PIAS2: variants seen among roughly 807,000 people sequenced by gnomAD.
PIAS2 encodes the protein E3 SUMO-protein ligase PIAS2.
Under a neutral mutation model 69.7 loss-of-function variants are expected in PIAS2, and 19 were observed. The observed-to-expected ratio is 0.27, with a 90% CI of 0.19 to 0.40. The LOEUF is 0.40. Ranked by LOEUF, PIAS2 falls within the 10% of genes least tolerant of loss-of-function variation. The probability of loss-of-function intolerance (pLI) is 1.00; values close to 1 mark genes in which losing one functional copy is unlikely to be tolerated. For missense variants in PIAS2, 624 were observed against 757.0 expected, an observed-to-expected ratio of 0.82 and a Z score of 2.06; for synonymous variants, 261 against 263.2, an observed-to-expected ratio of 0.99 and a Z score of 0.08.
At chr18:46,906,510 CAG>C (rs2056614999) in intron 1 of PIAS2, among the ~76,000 whole-genome samples, 1 of 151,942 alleles carries the variant, frequency 6.6e-6, no homozygotes, top group African/African-American at 2.4e-5. Flanking sequence ...TTCTGTGCAC[CAG>C]CAAAGTATAA....
intron 7 of PIAS2, among the ~76,000 whole-genome samples, 183 bp from the exon 8 acceptor site, chr18:46,844,310 A>G (rs2045858551): frequency 6.6e-6 from 1 of 152,140 alleles, no homozygotes; most frequent in South Asian, 2.1e-4. Flanking sequence ...AATTCTTAAA[A>G]TTTCTTTTTA....
chr18:46,815,594 T>C, intron 12 of PIAS2: 1 of 1,170,400 alleles, frequency 8.5e-7, no homozygotes, highest in Non-Finnish European at 1.1e-6. Flanking sequence ...TCCAAAACTT[T>C]CCAGTGAAGG....
intron 12 of PIAS2, chr18:46,817,193 A>T: frequency 1.0e-6 from 1 of 965,530 alleles, no homozygotes. Flanking sequence ...AATCATCTTT[A>T]ATATTTGCTG....
At chr18:46,887,813 C>T (rs1011363369) in intron 2 of PIAS2, among the ~76,000 whole-genome samples, 6 of 152,110 alleles carry the variant, frequency 3.9e-5, no homozygotes, top group Admixed American at 6.5e-5. Flanking sequence ...CCCATTCACA[C>T]GGAAGCAATC....
intron 8 of PIAS2, among the ~76,000 whole-genome samples, chr18:46,838,590 G>A (rs2044808668): frequency 6.6e-6 from 1 of 152,174 alleles, no homozygotes; most frequent in Admixed American, 6.5e-5. Context: ...AAAACCTGGG[G>A]CAGCTTCTCT....
At chr18:46,839,462 A>G (rs961637325) in intron 8 of PIAS2, among the ~76,000 whole-genome samples, 2 of 152,220 alleles carry the variant, frequency 1.3e-5, no homozygotes, top group East Asian at 1.9e-4. Context: ...TGAATAATCT[A>G]TAAGTACCTA....
chr18:46,818,401 TGTTCCAAGCTTCA>T (rs1470804302), intron 12 of PIAS2: 1 of 1,588,510 alleles, frequency 6.3e-7, no homozygotes, highest in Non-Finnish European at 8.6e-7. Flanking sequence ...TATCAGAAGA[TGTTCCAAGCTTCA>T]GTTCATTATT....
intron 5 of PIAS2, chr18:46,852,778 T>C (rs2047159974): frequency 6.6e-6 from 1 of 152,254 alleles, no homozygotes; most frequent in African/African-American, 2.4e-5. Flanking sequence ...TACACATCTG[T>C]AGCCACCATA....
In PIAS2 at chr18:46,806,353, C is replaced by CTTATTTTTTTTT. The variant is rs2040685565; in HGVS notation, c.*6079_*6080insAAAAAAAAATAA. 1.7e-5 allele frequency: 1 copy of CTTATTTTTTTTT among 60,176 alleles called. No homozygotes were observed. Among genetic ancestry groups the CTTATTTTTTTTT allele is most frequent in the Non-Finnish European group, 3.2e-5 (1 of 30,792 alleles). The allele number at this position is 60,176 out of a possible 1,614,324, so 3.7% of individuals were successfully genotyped here. On this transcript the variant is annotated 3_prime_UTR_variant, in exon 14 of 14. Transcript: ENST00000585916. ...AAAATTCTTTGCACAATGCCTGTTA[C>CTTATTTTTTTTT]TTTTTTTTTTTTTTTTTTTTTTTTT... is the stretch of plus-strand genomic sequence containing the variant.
chr18:46,806,603 G>A lies in PIAS2; in HGVS notation c.*5830C>T, dbSNP rs1020747738. On this transcript the variant is annotated 3_prime_UTR_variant, in exon 14 of 14. Transcript: ENST00000585916. ...ACTCCTGGCCTCAAGTGATTTGCCT[G>A]CCTTGGCTTCCCAAAGTGCTGGGAT... The A allele has an allele frequency of 5.9e-5, 9 of 151,884 alleles. No homozygotes were observed. The highest frequency in any genetic ancestry group is 2.2e-4 in the African/African-American group (9 of 41,358). 9.4% of individuals were successfully genotyped at this position (151,884 alleles called of 1,614,324 possible).
upstream of PIAS2, among the ~76,000 whole-genome samples, chr18:46,919,418 G>A (rs142960808): frequency 3.4e-3 from 516 of 152,132 alleles, 1 homozygote; most frequent in Middle Eastern, 0.01. Context: ...CCCTGGAGGC[G>A]GAGGTTCCAG....
chr18:46,834,891 T>G (rs901819266), intron 9 of PIAS2, among the ~76,000 whole-genome samples: 1 of 152,176 alleles, frequency 6.6e-6, no homozygotes, highest in Non-Finnish European at 1.5e-5. Flanking sequence ...AAGGGAAAAA[T>G]AGCTTACTCC....
At chr18:46,886,837 C>G (rs915678064) in intron 2 of PIAS2, among the ~76,000 whole-genome samples, 1 of 151,464 alleles carries the variant, frequency 6.6e-6, no homozygotes, top group Admixed American at 6.6e-5. Context: ...GACTCTGTCC[C>G]CCCCCTCCAA....
intron 2 of PIAS2, among the ~76,000 whole-genome samples, chr18:46,879,784 T>C (rs1038099625): frequency 5.3e-5 from 8 of 152,160 alleles, no homozygotes; most frequent in African/African-American, 1.9e-4. Context: ...ACATTACGTT[T>C]AGTGAAATAA....
At position 46,827,995 on chromosome 18, in the gene PIAS2, A is replaced by T; in HGVS notation, c.1472T>A (p.Ile491Asn). 1.2e-6 allele frequency: 2 copies of T among 1,613,902 alleles called. No individual in the cohort carries two copies. Among genetic ancestry groups the T allele is most frequent in the South Asian group, 2.2e-5 (2 of 91,064 alleles). ...GCTGCTTTGTGTTTCTGACATAAAG[A>T]TGCATTTCCTTTTGGCAGGAGGGTC... ...EEDPPAKRKC[I>N]FMSETQSSPT... is the part of the protein sequence containing the mutation. Residue 491 changes from isoleucine to asparagine, a missense_variant, in exon 11 of 14, where the codon ATC (isoleucine) becomes AAC (asparagine). Physicochemically the swap from Ile to Asn is moderately radical, Grantham distance 149. Coordinates refer to ENST00000585916, the MANE Select transcript of PIAS2 (RefSeq NM_004671.5).
At chr18:46,839,451 T>C (rs1599583370) in intron 8 of PIAS2, among the ~76,000 whole-genome samples, 1 of 152,238 alleles carries the variant, frequency 6.6e-6, no homozygotes. Context: ...TTGGTTCTAT[T>C]TGAATAATCT....
chr18:46,889,309 G>A (rs1429218432), intron 2 of PIAS2, among the ~76,000 whole-genome samples: 1 of 152,164 alleles, frequency 6.6e-6, no homozygotes, highest in Non-Finnish European at 1.5e-5. Flanking sequence ...AAACCACAGA[G>A]TGGGAGAAAA....
chr18:46,890,556 G>A (rs1293053359), intron 2 of PIAS2, 24 bp downstream of exon 2: 1 of 1,403,110 alleles, frequency 7.1e-7, no homozygotes. Context: ...TTGTTCAGAA[G>A]AAACTGAATT....
intron 2 of PIAS2, among the ~76,000 whole-genome samples, chr18:46,873,045 T>C (rs1434829771): frequency 6.6e-6 from 1 of 152,212 alleles, no homozygotes; most frequent in Non-Finnish European, 1.5e-5. Context: ...GTATCAAAAG[T>C]TTTTGACCCA....
Sources: gnomAD v4.1 joint callset for allele counts (sites outside exome capture counted in the v4.1 genomes callset) on GRCh38, gnomAD v4.1.1 for gene constraint, MANE v1.5 for transcripts, NCBI Gene and HGNC (gene_info 2026-07-23, HGNC 2026-07-21) for gene names.